The following CRAT variants were observed in gnomAD, a reference collection of about 807,000 sequenced individuals.
The protein encoded by CRAT is carnitine O-acetyltransferase.
Under a neutral mutation model 73.7 loss-of-function variants are expected in CRAT, and 66 were observed. The observed-to-expected ratio is 0.90, with a 90% CI of 0.73 to 1.10. The LOEUF is 1.10. Ranked by LOEUF, CRAT falls within the 50% of genes least tolerant of loss-of-function variation. CRAT has a pLI of 0.00. For synonymous variants in CRAT, 321 were observed against 343.2 expected (o/e 0.94, Z 0.71); for missense variants, 745 against 846.9 (o/e 0.88, Z 1.49).
rs767027257 is a variant in CRAT at position 129,107,711 on chromosome 9, G to T, written c.291+103C>A. The stretch of plus-strand genomic sequence containing the variant: ...TGCCAGACACAGAGTATGTGCTCAC[G>T]AAACTCTGGGCAGCAAACGAACGGC... On this transcript the variant is annotated intron_variant, in intron 2 of 13. Coordinates refer to ENST00000318080, the MANE Select transcript of CRAT (RefSeq NM_000755.5). This position sits in a 1 kb window ranked among gnomAD's most constrained non-coding sequence, Gnocchi z 5.0. 4 of 1,548,596 alleles carry T rather than the reference G, an allele frequency of 2.6e-6. No individual in the cohort carries two copies. Among genetic ancestry groups the T allele is most frequent in the Admixed American group, 1.7e-5 (1 of 57,276 alleles).
In CRAT at chr9:129,110,567, C is replaced by CGCGCCG; in HGVS notation, c.-64_-59dup. On this transcript the variant is annotated 5_prime_UTR_variant, in exon 1 of 14. Transcript: ENST00000318080. The surrounding 1 kb of genome is among the most constrained non-coding windows in gnomAD (Gnocchi z 5.3). ...TCCGCCCCACACACCGGGCAAAGTC[C>CGCGCCG]GCGCCGCCGCCGCCGCGGCTGGGGT... The CGCGCCG allele has an allele frequency of 6.7e-7, 1 of 1,502,900 alleles. No individual in the cohort carries two copies. The highest frequency in any genetic ancestry group is 1.2e-5 in the South Asian group (1 of 80,804). 93.1% of individuals were successfully genotyped at this position (1,502,900 alleles called of 1,614,324 possible).
At chr9:129,098,676 T>C in intron 8 of CRAT, 26 bp from the exon 9 acceptor site, 1 of 1,588,608 alleles carries the variant, frequency 6.3e-7, no homozygotes. Flanking sequence ...GGCCTCAGGC[T>C]CATGCTGGTG....
chr9:129,102,239 C>T (rs1002664776), intron 5 of CRAT, among the ~76,000 whole-genome samples, 161 bp downstream of exon 5: 2 of 152,204 alleles, frequency 1.3e-5, no homozygotes, highest in East Asian at 3.9e-4. Flanking sequence ...CACGGCCCCT[C>T]CTGGCCTCCC....
rs1588461766 is a variant in CRAT, at chr9:129,107,222, CAG to C, written c.291+590_291+591del. On this transcript the variant is annotated intron_variant, in intron 2 of 13. Transcript: ENST00000318080. The surrounding 1 kb of genome is among the most constrained non-coding windows in gnomAD (Gnocchi z 5.0). ...CTAATTTTTGTATTTTTAGTAGAGA[CAG>C]GGTTTCATCATGTTGGCCAGGCTGG... 1.6e-5 allele frequency: 3 copies of C among 186,444 alleles called. No individual in the cohort carries two copies. The highest frequency in any genetic ancestry group is 2.2e-5 in the Non-Finnish European group (2 of 89,944). The allele number at this position is 186,444 out of a possible 1,614,324, so 11.5% of individuals were successfully genotyped here.
Position 129,102,539 on chromosome 9 carries a change from C to G in CRAT, c.491G>C (p.Gly164Ala), listed in dbSNP as rs149054165. ...CTGGTTCATGCACAGTGGCTTCCCC[C>G]CCAGGTACTCCACGGGCAGGGTCTC... The part of the protein sequence containing the change: ...DNETLPVEYL[G>A]GKPLCMNQYY... Residue 164 changes from glycine (G) to alanine (A), a missense_variant, in exon 5 of 14, where the codon GGG becomes GCG. Gly to Ala is a moderately conservative substitution (Grantham distance 60). Transcript: ENST00000318080. The G allele has an allele frequency of 2.6e-4, 419 of 1,614,056 alleles. No individual in the cohort carries two copies. Among genetic ancestry groups the G allele is most frequent in the African/African-American group, 1.4e-3 (103 of 75,006 alleles).
At chr9:129,109,031 C>G (rs891455265) in intron 1 of CRAT, 5 of 1,232,726 alleles carry the variant, frequency 4.1e-6, no homozygotes, top group East Asian at 1.1e-4. Flanking sequence ...TCCACCCTCC[C>G]GAGCTCCCAG....
At chr9:129,099,519 T>G (rs1847524139) in intron 8 of CRAT, among the ~76,000 whole-genome samples, 1 of 150,338 alleles carries the variant, frequency 6.7e-6, no homozygotes, top group Non-Finnish European at 1.5e-5. Context: ...CTCTGCCTCC[T>G]GGGTTCAAGC....
Position 129,095,353 on chromosome 9 carries a change from G to A in CRAT, c.*44C>T. 6.3e-7 allele frequency: 1 copy of A among 1,593,640 alleles called. No individual in the cohort carries two copies. Among genetic ancestry groups the A allele is most frequent in the Non-Finnish European group, 8.5e-7 (1 of 1,171,696 alleles). ...GAGCCCTGGTGGGTGGCCCATCCCA[G>A]GGTGGGCTTGGCTGTGGCATTGGCA... On this transcript the variant is annotated 3_prime_UTR_variant, in exon 14 of 14. Coordinates refer to ENST00000318080, the MANE Select transcript of CRAT (RefSeq NM_000755.5).
At position 129,108,265 on chromosome 9, in the gene CRAT, G is replaced by A. The variant is rs955855726; in HGVS notation, c.28-188C>T. The A allele has an allele frequency of 3.8e-5, 38 of 1,000,114 alleles. No individual in the cohort carries two copies. In the East Asian group the frequency reaches 1.0e-3, roughly 27 times the overall value. 62.0% of individuals were successfully genotyped at this position (1,000,114 alleles called of 1,614,324 possible). A position where few individuals can be genotyped will look rare whatever the true frequency, so the allele number is the denominator to read the frequency against. On this transcript the variant is annotated intron_variant, in intron 1 of 13. Transcript: ENST00000318080. ...CGCCTCTCTGGGGCCTGGAGATGCA[G>A]GTAGGGATGGGGGAGGGTGGGGTGT...
intron 1 of CRAT, chr9:129,109,333 G>A (rs1848231875): frequency 5.6e-6 from 7 of 1,243,538 alleles, no homozygotes; most frequent in Non-Finnish European, 7.5e-6. Flanking sequence ...ATCAGTGGAT[G>A]GGACAGCCAG....
chr9:129,095,747 G>T, intron 13 of CRAT, 135 bp from the exon 14 acceptor site: 2 of 986,024 alleles, frequency 2.0e-6, no homozygotes, highest in Admixed American at 2.4e-5. Context: ...CTATATCCCA[G>T]CAACCACTAC....
intron 1 of CRAT, chr9:129,108,788 TC>T: frequency 7.7e-7 from 1 of 1,304,274 alleles, no homozygotes; most frequent in Non-Finnish European, 1.0e-6. Flanking sequence ...CCCGTCCTCC[TC>T]CATGGCAGGA....
At position 129,102,457 on chromosome 9, in the gene CRAT, GCTGA is replaced by G; in HGVS notation, c.569_572del (p.Val190AlafsTer81). 1 of 1,614,204 alleles carries G rather than the reference GCTGA, an allele frequency of 6.2e-7. No homozygotes were observed. The highest frequency in any genetic ancestry group is 8.5e-7 in the Non-Finnish European group (1 of 1,180,028). On this transcript the variant is annotated frameshift_variant, in exon 5 of 14. Coordinates refer to ENST00000318080, the MANE Select transcript of CRAT (RefSeq NM_000755.5). LOFTEE classifies it high-confidence loss of function. ...GAGGCTTCTTGGTCTTGCTGAAGTTGCTGACTGTGTCCTGCTTGGGGCCCGGCAC... is the reference window on the plus strand; with the variant it reads ...GAGGCTTCTTGGTCTTGCTGAAGTTGCTGTGTCCTGCTTGGGGCCCGGCAC...
chr9:129,103,664 G>A lies in CRAT; in HGVS notation c.410+524C>T, dbSNP rs530255004. 2.0e-5 allele frequency among the ~76,000 whole-genome samples: 3 copies of A among 152,282 alleles called. No individual in the cohort carries two copies. In the South Asian group the frequency reaches 6.2e-4, roughly 32 times the overall value. On this transcript the variant is annotated intron_variant, in intron 3 of 13. Transcript: ENST00000318080. The surrounding 1 kb of genome is among the most constrained non-coding windows in gnomAD (Gnocchi z 4.6). ...GCTGGAGTTCCTGGGCCTGAACCCC[G>A]GCCCTTCCCAGGGTACCCTGGTCCC...
rs1415109021 is a variant in CRAT at position 129,106,261 on chromosome 9, C to T, written c.291+1553G>A. Among the ~76,000 whole-genome samples, 1 of 152,142 alleles carries T rather than the reference C, an allele frequency of 6.6e-6. No individual in the cohort carries two copies. Among genetic ancestry groups the T allele is most frequent in the Non-Finnish European group, 1.5e-5 (1 of 68,004 alleles). ...ACCTTCCTGTGTGGCCGAGGGCTTC[C>T]TTGAGAGCTGCTGTGTGGCTCTGGG... is the stretch of plus-strand genomic sequence containing the variant. On this transcript the variant is annotated intron_variant, in intron 2 of 13. Coordinates refer to ENST00000318080, the MANE Select transcript of CRAT (RefSeq NM_000755.5). This position sits in a 1 kb window ranked among gnomAD's most constrained non-coding sequence, Gnocchi z 4.0.
At chr9:129,108,212 C>A (rs1848143164) in intron 1 of CRAT, 135 bp from the exon 2 acceptor site, 15 of 1,230,688 alleles carry the variant, frequency 1.2e-5, no homozygotes, top group African/African-American at 1.5e-5. Flanking sequence ...TGGCCCTGGC[C>A]TCCCAGCCCT....
At chr9:129,105,421 A>G (rs1379600715) in intron 2 of CRAT, among the ~76,000 whole-genome samples, 1 of 151,078 alleles carries the variant, frequency 6.6e-6, no homozygotes, top group Admixed American at 6.6e-5. Flanking sequence ...CCTGCATTCA[A>G]GCGATTCTCT....
intron 1 of CRAT, chr9:129,109,146 G>C (rs2131502062): frequency 1.5e-6 from 2 of 1,304,064 alleles, no homozygotes; most frequent in Non-Finnish European, 2.0e-6. Context: ...CTCAGTGCCA[G>C]GGAGTCAGGA....
chr9:129,104,053 G>A (rs1588455653), intron 3 of CRAT, 135 bp downstream of exon 3: 1 of 605,442 alleles, frequency 1.7e-6, no homozygotes, highest in Non-Finnish European at 2.9e-6. Flanking sequence ...TTGTAAAATA[G>A]GGAGGATGCT....
Sources: allele counts gnomAD v4.1 joint callset (sites outside exome capture counted in the v4.1 genomes callset), GRCh38; gene constraint gnomAD v4.1.1; non-coding constraint Gnocchi (gnomAD v3.1); transcripts MANE v1.5; gene names NCBI Gene and HGNC (gene_info 2026-07-23, HGNC 2026-07-21).